ITGBL1: variants seen among roughly 807,000 people sequenced by gnomAD.
The protein encoded by ITGBL1 is integrin beta-like protein 1.
ITGBL1 carries 51 observed loss-of-function variants against 68.5 expected under a neutral mutation model. The ratio of observed to expected loss-of-function variants is 0.74; its 90% CI spans 0.59 to 0.94. ITGBL1 has a LOEUF of 0.94. Ranked by LOEUF, ITGBL1 falls within the 40% of genes least tolerant of loss-of-function variation. ITGBL1 has a pLI of 0.00. For missense variants in ITGBL1, 649 were observed against 647.4 expected, an observed-to-expected ratio of 1.00 and a Z score of -0.03; for synonymous variants, 209 against 227.3, an observed-to-expected ratio of 0.92 and a Z score of 0.72.
chr13:101,489,812 G>A (rs528697066), intron 2 of ITGBL1: 16 of 572,240 alleles, frequency 2.8e-5, no homozygotes, highest in East Asian at 8.5e-5. Flanking sequence ...AGGATGCTGC[G>A]ATACTGATCA....
chr13:101,528,180 A>G (rs1566716753), intron 2 of ITGBL1, among the ~76,000 whole-genome samples: 1 of 151,254 alleles, frequency 6.6e-6, no homozygotes. Flanking sequence ...GTTTATTAAT[A>G]TTTTTCTTTT....
chr13:101,588,856 A>G (rs1033069259), intron 6 of ITGBL1, among the ~76,000 whole-genome samples: 18 of 152,198 alleles, frequency 1.2e-4, no homozygotes, highest in African/African-American at 4.1e-4. Flanking sequence ...AACTTTTAAA[A>G]TTGGAATTGA....
intron 2 of ITGBL1, among the ~76,000 whole-genome samples, chr13:101,546,492 A>T (rs2049826367): frequency 6.6e-6 from 1 of 152,198 alleles, no homozygotes; most frequent in African/African-American, 2.4e-5. Context: ...AAGAAAGATA[A>T]TGAAAACAAA....
At chr13:101,671,280 T>A (rs1196846315) in intron 7 of ITGBL1, among the ~76,000 whole-genome samples, 1 of 152,148 alleles carries the variant, frequency 6.6e-6, no homozygotes, top group Non-Finnish European at 1.5e-5. Flanking sequence ...TTACATGAAG[T>A]GAAATAACTA....
intron 2 of ITGBL1, among the ~76,000 whole-genome samples, chr13:101,500,505 T>G (rs2048924567): frequency 6.6e-6 from 1 of 152,238 alleles, no homozygotes; most frequent in Non-Finnish European, 1.5e-5. Flanking sequence ...ACAAAATTCT[T>G]CAGAGATTAT....
chr13:101,720,414 AGTCATTTACAAAAATAAATCTT>A (rs2034889663), downstream of ITGBL1: 1 of 152,138 alleles, frequency 6.6e-6, no homozygotes, highest in Non-Finnish European at 1.5e-5. Flanking sequence ...CATAAATCTC[AGTCATTTACAAAAATAAATCTT>A]GTCTTAATTT....
intron 7 of ITGBL1, among the ~76,000 whole-genome samples, chr13:101,630,720 C>T (rs1219713821): frequency 6.6e-6 from 1 of 152,116 alleles, no homozygotes; most frequent in Non-Finnish European, 1.5e-5. Context: ...TAGATCTCCC[C>T]TGGTAAGTGC....
At chr13:101,616,396 A>G (rs963253057) in intron 7 of ITGBL1, among the ~76,000 whole-genome samples, 4 of 152,120 alleles carry the variant, frequency 2.6e-5, no homozygotes, top group Admixed American at 6.5e-5. Flanking sequence ...GGGGGTATAA[A>G]TCTGTTTCAT....
At chr13:101,685,470 C>T (rs528708514) in intron 7 of ITGBL1, among the ~76,000 whole-genome samples, 3 of 152,148 alleles carry the variant, frequency 2.0e-5, no homozygotes, top group South Asian at 2.1e-4. Context: ...AGACCATCTG[C>T]TAATAATGAT....
chr13:101,685,105 T>C (rs2033725831), intron 7 of ITGBL1, among the ~76,000 whole-genome samples: 1 of 152,050 alleles, frequency 6.6e-6, no homozygotes, highest in Non-Finnish European at 1.5e-5. Flanking sequence ...CAGACAAATT[T>C]GAGAATCATT....
intron 2 of ITGBL1, among the ~76,000 whole-genome samples, chr13:101,503,620 G>A (rs1385604782): frequency 6.6e-6 from 1 of 152,148 alleles, no homozygotes; most frequent in Non-Finnish European, 1.5e-5. Flanking sequence ...ACACCCCCTA[G>A]GGGAGTACAC....
intron 7 of ITGBL1, among the ~76,000 whole-genome samples, chr13:101,654,002 G>A (rs764231490): frequency 1.1e-4 from 17 of 151,688 alleles, no homozygotes; most frequent in Non-Finnish European, 1.9e-4. Flanking sequence ...GAGCCACTGT[G>A]CCTGGCCTGA....
chr13:101,708,062 CACACACAT>C (rs1320660255), intron 9 of ITGBL1, among the ~76,000 whole-genome samples: 275 of 148,092 alleles, frequency 1.9e-3, no homozygotes, highest in African/African-American at 6.0e-3. Context: ...CACACACACA[CACACACAT>C]ACACACAAAT....
intron 6 of ITGBL1, among the ~76,000 whole-genome samples, chr13:101,584,742 A>C (rs1181939731): frequency 6.6e-6 from 1 of 152,030 alleles, no homozygotes; most frequent in Admixed American, 6.6e-5. Flanking sequence ...CTGTCAACAC[A>C]GTGGTAATAA....
At chr13:101,720,338 T>G (rs1225528560), downstream of ITGBL1, 1 of 152,128 alleles carries the variant, frequency 6.6e-6, no homozygotes, top group Non-Finnish European at 1.5e-5. Flanking sequence ...GTATTTGACA[T>G]CCTTCATAGG....
At chr13:101,606,548 T>G (rs991843195) in intron 7 of ITGBL1, among the ~76,000 whole-genome samples, 1 of 151,880 alleles carries the variant, frequency 6.6e-6, no homozygotes, top group East Asian at 1.9e-4. Context: ...TCTTCCTGAT[T>G]AAAGAATACA....
Position 101,517,415 on chromosome 13 carries a change from G to A in ITGBL1, c.317-50284G>A, listed in dbSNP as rs1039612935. Reference sequence around the variant, plus strand: ...GTGCTTAATTGTGACTGCACGTTACGCTCATCTAGGGGTGCTCTTTAATTC... The same window carrying A: ...GTGCTTAATTGTGACTGCACGTTACACTCATCTAGGGGTGCTCTTTAATTC... On this transcript the variant is annotated intron_variant, in intron 2 of 10. Coordinates refer to ENST00000376180, the MANE Select transcript of ITGBL1 (RefSeq NM_004791.3). Among the ~76,000 whole-genome samples the A allele has an allele frequency of 2.4e-4, 36 of 152,072 alleles. 1 individual carries two copies. The highest frequency in any genetic ancestry group is 3.2e-3 in the Middle Eastern group (1 of 314).
At chr13:101,600,017 G>T (rs1283494524) in intron 7 of ITGBL1, among the ~76,000 whole-genome samples, 1 of 152,126 alleles carries the variant, frequency 6.6e-6, no homozygotes, top group Non-Finnish European at 1.5e-5. Context: ...AATCTGTAAA[G>T]TACCTTGGGC....
At chr13:101,672,352 G>C (rs957140873) in intron 7 of ITGBL1, among the ~76,000 whole-genome samples, 1 of 152,162 alleles carries the variant, frequency 6.6e-6, no homozygotes, top group African/African-American at 2.4e-5. Context: ...CCTCAGTAAG[G>C]TTTTCCTTTT....
Sources: allele counts gnomAD v4.1 joint callset (sites outside exome capture counted in the v4.1 genomes callset), GRCh38; gene constraint gnomAD v4.1.1; transcripts MANE v1.5; gene names NCBI Gene and HGNC (gene_info 2026-07-23, HGNC 2026-07-21).